The following HPSE2 variants were observed in gnomAD, a reference collection of about 807,000 sequenced individuals.
The protein encoded by HPSE2 is heparanase 2 (inactive).
A neutral mutation model predicts 60.5 loss-of-function variants in HPSE2; 38 were observed. That is an observed-to-expected ratio of 0.63 (90% CI 0.48 to 0.82). The LOEUF (loss-of-function observed/expected upper bound fraction) is 0.82, where lower values mean the gene tolerates loss of function less well. Ranked by LOEUF, HPSE2 falls within the 40% of genes least tolerant of loss-of-function variation. The pLI, the probability that HPSE2 is intolerant of heterozygous loss-of-function variation, is 0.00. For missense variants in HPSE2, 713 were observed against 740.4 expected, an observed-to-expected ratio of 0.96 and a Z score of 0.43; for synonymous variants, 295 against 293.2, an observed-to-expected ratio of 1.01 and a Z score of -0.06.
chr10:98,726,667 A>ATAG (rs1949091992), intron 4 of HPSE2, among the ~76,000 whole-genome samples: 1 of 147,298 alleles, frequency 6.8e-6, no homozygotes. Flanking sequence ...AATAATAATA[A>ATAG]AAGAAATATA....
At chr10:99,258,073 G>A in the HPSE2 span, among the ~76,000 whole-genome samples, 55 of 152,074 alleles carry the variant, frequency 3.6e-4, no homozygotes, top group African/African-American at 1.2e-3. Context: ...CCCAGAAGGC[G>A]GAGGTTGCAG....
At chr10:99,307,948 CT>C in the HPSE2 span, among the ~76,000 whole-genome samples, 1 of 152,014 alleles carries the variant, frequency 6.6e-6, no homozygotes, top group African/African-American at 2.4e-5. Flanking sequence ...TTGGAAACCA[CT>C]TTGGCAGTTC....
chr10:99,111,258 CTT>C (rs1405402829), intron 3 of HPSE2, among the ~76,000 whole-genome samples: 1 of 152,112 alleles, frequency 6.6e-6, no homozygotes, highest in Non-Finnish European at 1.5e-5. Context: ...AGCCCTCTGA[CTT>C]TGTTCTTCCT....
intron 2 of HPSE2, among the ~76,000 whole-genome samples, chr10:99,195,903 T>C (rs1016772175): frequency 6.6e-6 from 1 of 151,502 alleles, no homozygotes; most frequent in South Asian, 2.1e-4. Context: ...TAGCCAAAAC[T>C]ATCCTTAGCA....
chr10:99,307,092 GA>G, the HPSE2 span, among the ~76,000 whole-genome samples: 3 of 152,108 alleles, frequency 2.0e-5, no homozygotes, highest in Non-Finnish European at 2.9e-5. Flanking sequence ...GCTGGCAAGT[GA>G]ACTCTTTGAG....
At chr10:99,032,831 A>G (rs1258223102) in intron 3 of HPSE2, among the ~76,000 whole-genome samples, 5 of 152,174 alleles carry the variant, frequency 3.3e-5, no homozygotes, top group African/African-American at 4.8e-5. Context: ...CAAAGCCAGC[A>G]ACAAGTCAAG....
intron 3 of HPSE2, among the ~76,000 whole-genome samples, chr10:98,915,750 A>G (rs535863049): frequency 1.3e-5 from 2 of 152,328 alleles, no homozygotes; most frequent in East Asian, 1.9e-4. Flanking sequence ...AAATAAAGAG[A>G]GCAATTTTCA....
intron 3 of HPSE2, among the ~76,000 whole-genome samples, chr10:98,893,001 C>A (rs1478110344): frequency 2.0e-5 from 3 of 151,998 alleles, no homozygotes; most frequent in Admixed American, 2.0e-4. Context: ...TTCTTGTAAA[C>A]AGTACTATGA....
intron 3 of HPSE2, among the ~76,000 whole-genome samples, chr10:98,884,275 C>A (rs1953104923): frequency 6.6e-6 from 1 of 152,110 alleles, no homozygotes; most frequent in Non-Finnish European, 1.5e-5. Context: ...GATTAAGCAA[C>A]AAGTCCTGAT....
At chr10:98,534,507 C>T (rs920227323) in intron 9 of HPSE2, among the ~76,000 whole-genome samples, 3 of 152,062 alleles carry the variant, frequency 2.0e-5, no homozygotes, top group Non-Finnish European at 4.4e-5. Flanking sequence ...TGGGATCAAG[C>T]GATTCTCCAG....
chr10:99,246,041 C>A, the HPSE2 span, among the ~76,000 whole-genome samples: 1 of 152,044 alleles, frequency 6.6e-6, no homozygotes, highest in Non-Finnish European at 1.5e-5. Flanking sequence ...AATGTTAGTG[C>A]AAATTAAACA....
In HPSE2 at chr10:98,788,323, C is replaced by A. The variant is rs1286666435; in HGVS notation, c.611-44267G>T. Among the ~76,000 whole-genome samples the A allele has an allele frequency of 1.4e-4, 9 of 64,178 alleles. 2 individuals carry two copies. The highest frequency in any genetic ancestry group is 1.2e-3 in the Admixed American group (9 of 7,508). 42.1% of individuals were successfully genotyped at this position (64,178 alleles called of 152,430 possible). ...CCGTTCTCAGACCTCCAGCTGCGTG[C>A]TGGGAGAACCACTGCTCTCTTCAAA... On this transcript the variant is annotated intron_variant, in intron 3 of 11. Transcript: ENST00000370552.
rs972185765 is a variant in HPSE2, at chr10:98,459,239, C to G, written c.*335G>C. On this transcript the variant is annotated 3_prime_UTR_variant, in exon 12 of 12. Transcript: ENST00000370552. ...TGGTTATAATGCTGTGTGACAGGAT[C>G]ATGGGGAGTTGTCTGGAAACATTTC... The G allele has an allele frequency of 5.5e-6, 2 of 362,418 alleles. No homozygotes were observed. Among genetic ancestry groups the G allele is most frequent in the African/African-American group, 4.2e-5 (2 of 47,650 alleles). The allele number at this position is 362,418 out of a possible 1,614,324, so 22.5% of individuals were successfully genotyped here. A position where few individuals can be genotyped will look rare whatever the true frequency, so the allele number is the denominator to read the frequency against.
At chr10:99,274,391 A>G in the HPSE2 span, among the ~76,000 whole-genome samples, 2 of 152,218 alleles carry the variant, frequency 1.3e-5, no homozygotes, top group Non-Finnish European at 2.9e-5. Flanking sequence ...CGTCCTGCAC[A>G]TGTATCTTGG....
intron 9 of HPSE2, among the ~76,000 whole-genome samples, chr10:98,590,702 T>A (rs1328530581): frequency 6.6e-6 from 1 of 152,140 alleles, no homozygotes; most frequent in Non-Finnish European, 1.5e-5. Flanking sequence ...CCAATAGCTT[T>A]CCCACACCAG....
intron 3 of HPSE2, among the ~76,000 whole-genome samples, chr10:99,077,882 G>C (rs577875397): frequency 3.3e-5 from 5 of 152,226 alleles, no homozygotes; most frequent in Admixed American, 1.3e-4. Flanking sequence ...TGGAGGTGGG[G>C]CCTGGTAGTA....
upstream of HPSE2, among the ~76,000 whole-genome samples, chr10:99,238,612 A>C (rs1313040376): frequency 2.0e-5 from 3 of 152,120 alleles, no homozygotes; most frequent in Non-Finnish European, 4.4e-5. Flanking sequence ...AGATGATTTG[A>C]TTGTTTGGTG....
At chr10:99,123,983 A>G (rs1369561189) in intron 3 of HPSE2, among the ~76,000 whole-genome samples, 1 of 151,966 alleles carries the variant, frequency 6.6e-6, no homozygotes, top group Admixed American at 6.5e-5. Context: ...GAGGAGACCC[A>G]GAGTGGGTAG....
chr10:98,602,580 G>A (rs1453958813), intron 9 of HPSE2, among the ~76,000 whole-genome samples: 1 of 152,004 alleles, frequency 6.6e-6, no homozygotes, highest in Non-Finnish European at 1.5e-5. Flanking sequence ...CTTGATTACT[G>A]TACATATACA....
Sources: gnomAD v4.1 joint callset for allele counts (sites outside exome capture counted in the v4.1 genomes callset) on GRCh38, gnomAD v4.1.1 for gene constraint, MANE v1.5 for transcripts, NCBI Gene and HGNC (gene_info 2026-07-23, HGNC 2026-07-21) for gene names.